CELF4: variants seen among roughly 807,000 people sequenced by gnomAD.
CELF4 encodes CUGBP Elav-like family member 4.
CELF4 carries 18 observed loss-of-function variants against 59.9 expected under a neutral mutation model. That is an observed-to-expected ratio of 0.30 (90% confidence interval 0.21 to 0.45). The LOEUF is 0.45. CELF4 is among the 20% of genes least tolerant of loss of function. The pLI is 1.00. For missense variants in CELF4, 456 were observed against 689.0 expected (o/e 0.66, Z 3.79); for synonymous variants, 261 against 267.1 (o/e 0.98, Z 0.22).
chr18:37,286,766 C>T (rs2094822319), intron 3 of CELF4, among the ~76,000 whole-genome samples: 1 of 152,126 alleles, frequency 6.6e-6, no homozygotes, highest in Admixed American at 6.5e-5. Flanking sequence ...CGCCCATTCC[C>T]CACACCTGAA....
intron 1 of CELF4, among the ~76,000 whole-genome samples, chr18:37,537,199 C>G (rs1452238688): frequency 1.3e-5 from 2 of 152,218 alleles, no homozygotes; most frequent in Non-Finnish European, 2.9e-5. Flanking sequence ...TTGATCATGA[C>G]TTTCATTTGA....
rs2061931752 is a variant in CELF4, at chr18:37,245,961, T to G, written c.*45-764A>C. ...GTCAGAAGAGATTTAATTATCAAACTTAAATAAATTAACTCAGACAGTGCT... is the reference window on the plus strand; with the variant it reads ...GTCAGAAGAGATTTAATTATCAAACGTAAATAAATTAACTCAGACAGTGCT... On this transcript the variant is annotated intron_variant, in intron 12 of 12. Coordinates refer to ENST00000420428, the MANE Select transcript of CELF4 (RefSeq NM_020180.4). This position sits in a 1 kb window ranked among gnomAD's most constrained non-coding sequence, Gnocchi z 4.1. Among the ~76,000 whole-genome samples the G allele has an allele frequency of 6.6e-6, 1 of 152,188 alleles. No homozygotes were observed. The highest frequency in any genetic ancestry group is 6.5e-5 in the Admixed American group (1 of 15,276).
intron 1 of CELF4, among the ~76,000 whole-genome samples, chr18:37,529,575 A>T (rs1482049526): frequency 6.6e-6 from 1 of 152,208 alleles, no homozygotes; most frequent in Non-Finnish European, 1.5e-5. Context: ...GGAAGCTCCA[A>T]TAGGGGAGAG....
At chr18:37,519,334 C>A (rs1272267516) in intron 1 of CELF4, among the ~76,000 whole-genome samples, 1 of 152,136 alleles carries the variant, frequency 6.6e-6, no homozygotes, top group Non-Finnish European at 1.5e-5. Context: ...GAAACCCTTG[C>A]CCGACTTGCT....
chr18:37,445,315 T>C (rs1247253935), intron 2 of CELF4, among the ~76,000 whole-genome samples: 1 of 151,458 alleles, frequency 6.6e-6, no homozygotes, highest in Non-Finnish European at 1.5e-5. Flanking sequence ...TGTTTCTCTA[T>C]TCTCCCCCAG....
At chr18:37,425,808 A>G (rs1202162824) in intron 2 of CELF4, among the ~76,000 whole-genome samples, 3 of 152,218 alleles carry the variant, frequency 2.0e-5, no homozygotes, top group African/African-American at 7.2e-5. Context: ...ATCTGAAGAC[A>G]CCTTGGAAGA....
At chr18:37,501,758 G>A (rs889277851) in intron 1 of CELF4, among the ~76,000 whole-genome samples, 4 of 152,250 alleles carry the variant, frequency 2.6e-5, no homozygotes, top group African/African-American at 9.6e-5. Context: ...AGTGGTTGGA[G>A]TGAACAAGTT....
At chr18:37,542,411 A>T (rs1269214109) in intron 1 of CELF4, among the ~76,000 whole-genome samples, 1 of 152,228 alleles carries the variant, frequency 6.6e-6, no homozygotes. Flanking sequence ...GCTGAAGCCC[A>T]GTCATGAAGA....
intron 11 of CELF4, among the ~76,000 whole-genome samples, chr18:37,255,655 A>G (rs2154286280): frequency 6.6e-6 from 1 of 152,236 alleles, no homozygotes; most frequent in South Asian, 2.1e-4. Flanking sequence ...TCAAGTACTT[A>G]GTAAACCAGA....
intron 2 of CELF4, among the ~76,000 whole-genome samples, chr18:37,445,021 C>G (rs914478659): frequency 1.3e-5 from 2 of 152,058 alleles, no homozygotes; most frequent in African/African-American, 4.8e-5. Context: ...TGGGGCTGCT[C>G]GGAAAGGAGG....
chr18:37,399,596 AG>A (rs1344572671), intron 2 of CELF4, among the ~76,000 whole-genome samples: 13 of 152,202 alleles, frequency 8.5e-5, no homozygotes, highest in African/African-American at 3.1e-4. Flanking sequence ...TCGCTCTAGA[AG>A]GGTCCAAATA....
chr18:37,529,422 C>T (rs1027892858), intron 1 of CELF4, among the ~76,000 whole-genome samples: 8 of 152,150 alleles, frequency 5.3e-5, no homozygotes, highest in Non-Finnish European at 1.5e-5. Context: ...TCAGGTCTGG[C>T]GCGACGTAGC....
At position 37,486,592 on chromosome 18, in the gene CELF4, C is replaced by A. The variant is rs144821362; in HGVS notation, c.287-985G>T. Among the ~76,000 whole-genome samples the A allele has an allele frequency of 3.6e-3, 541 of 152,328 alleles. 1 individual carries two copies. The highest frequency in any genetic ancestry group is 0.012 in the African/African-American group (516 of 41,580). On this transcript the variant is annotated intron_variant, in intron 1 of 12. Coordinates refer to ENST00000420428, the MANE Select transcript of CELF4 (RefSeq NM_020180.4). ...TGCCTGCAGATGTGGCTGAAGGTGG[C>A]TTGGGAGGCCTGCAAGGCTCAAAAC...
chr18:37,259,275 G>A lies in CELF4; in HGVS notation c.1250-11C>T. ...TACAGCCCTCGGGCCCTGCGGTGAG[G>A]GGAGGGGGTGGGCGGGGGAGGAGGG... is the stretch of plus-strand genomic sequence containing the variant. On this transcript the variant is annotated splice_polypyrimidine_tract_variant and intron_variant, in intron 10 of 12. Coordinates refer to ENST00000420428, the MANE Select transcript of CELF4 (RefSeq NM_020180.4). 1 of 1,168,844 alleles carries A rather than the reference G, an allele frequency of 8.6e-7. No individual in the cohort carries two copies. Among genetic ancestry groups the A allele is most frequent in the Non-Finnish European group, 1.3e-6 (1 of 784,820 alleles). 72.4% of individuals were successfully genotyped at this position (1,168,844 alleles called of 1,614,324 possible). A position where few individuals can be genotyped will look rare whatever the true frequency, so the allele number is the denominator to read the frequency against.
At chr18:37,385,466 C>T (rs964488794) in intron 2 of CELF4, among the ~76,000 whole-genome samples, 5 of 152,124 alleles carry the variant, frequency 3.3e-5, no homozygotes, top group African/African-American at 9.6e-5. Flanking sequence ...GTAGGGGTTG[C>T]TACTGGCTGT....
chr18:37,391,928 C>T (rs1469951764), intron 2 of CELF4, among the ~76,000 whole-genome samples: 3 of 152,188 alleles, frequency 2.0e-5, no homozygotes, highest in African/African-American at 7.2e-5. Flanking sequence ...GCCTGTCTTA[C>T]CCCACCCTGA....
chr18:37,427,671 A>AG (rs1269193562), intron 2 of CELF4, among the ~76,000 whole-genome samples: 1 of 152,122 alleles, frequency 6.6e-6, no homozygotes, highest in Non-Finnish European at 1.5e-5. Context: ...TTGGCTTTCA[A>AG]GGGCTTCCCT....
intron 2 of CELF4, among the ~76,000 whole-genome samples, chr18:37,351,119 G>C (rs181280348): frequency 4.6e-5 from 7 of 151,954 alleles, no homozygotes; most frequent in Admixed American, 1.3e-4. Flanking sequence ...GTGGGGGAGA[G>C]GGGGGCTGGA....
intron 1 of CELF4, among the ~76,000 whole-genome samples, chr18:37,538,173 T>C (rs1320715680): frequency 1.3e-5 from 2 of 152,224 alleles, no homozygotes; most frequent in Admixed American, 1.3e-4. Context: ...GGGATGGCCC[T>C]GGTCTCTCCT....
Sources: allele counts gnomAD v4.1 joint callset (sites outside exome capture counted in the v4.1 genomes callset), GRCh38; gene constraint gnomAD v4.1.1; non-coding constraint Gnocchi (gnomAD v3.1); transcripts MANE v1.5; gene names NCBI Gene and HGNC (gene_info 2026-07-23, HGNC 2026-07-21).